LYN: variants seen among roughly 807,000 people sequenced by gnomAD.
LYN encodes the protein LYN proto-oncogene, Src family tyrosine kinase, also known as tyrosine-protein kinase Lyn.
A neutral mutation model predicts 65.0 loss-of-function variants in LYN; 12 were observed. That is an observed-to-expected ratio of 0.18 (90% CI 0.12 to 0.30). The LOEUF (loss-of-function observed/expected upper bound fraction) is 0.30. Ranked by LOEUF, LYN falls within the 10% of genes least tolerant of loss-of-function variation. The pLI is 1.00. For synonymous variants in LYN, 222 were observed against 221.2 expected (o/e 1.00, Z -0.03); for missense variants, 380 against 623.2 (o/e 0.61, Z 4.16).
chr8:55,948,725 G>A (rs554351561), intron 4 of LYN, among the ~76,000 whole-genome samples: 1 of 152,346 alleles, frequency 6.6e-6, no homozygotes, highest in African/African-American at 2.4e-5. Context: ...CATATGGGTT[G>A]AACAGGGACT....
At chr8:55,973,169 C>T (rs1807657886) in intron 10 of LYN, among the ~76,000 whole-genome samples, 1 of 152,178 alleles carries the variant, frequency 6.6e-6, no homozygotes, top group Admixed American at 6.5e-5. Flanking sequence ...GCCCTACTCT[C>T]CCCTCCGCAT....
intron 11 of LYN, 43 bp from the exon 12 acceptor site, chr8:55,999,375 A>G (rs780495947): frequency 6.4e-7 from 1 of 1,573,832 alleles, no homozygotes; most frequent in South Asian, 1.1e-5. Context: ...TTTTTTGTTT[A>G]AGTTTAAATA....
chr8:55,970,960 C>T (rs76358467), intron 10 of LYN, among the ~76,000 whole-genome samples: 2,618 of 152,276 alleles, frequency 0.017, 41 homozygotes, highest in East Asian at 0.067. Flanking sequence ...ATGCTTGGCA[C>T]GGACACAAGC....
chr8:55,936,636 T>C (rs7833156), intron 1 of LYN, among the ~76,000 whole-genome samples: 8,627 of 151,844 alleles, frequency 0.057, 776 homozygotes, highest in African/African-American at 0.19. Flanking sequence ...TGAGACTCCA[T>C]CTCAAAAAAC....
At chr8:55,990,457 C>T (rs1413144992) in intron 10 of LYN, among the ~76,000 whole-genome samples, 6 of 152,088 alleles carry the variant, frequency 3.9e-5, no homozygotes, top group African/African-American at 1.4e-4. Context: ...AGTTAAATCT[C>T]TCCTGGATCA....
intron 10 of LYN, among the ~76,000 whole-genome samples, chr8:55,972,856 A>T (rs1394224828): frequency 6.6e-6 from 1 of 152,232 alleles, no homozygotes; most frequent in Non-Finnish European, 1.5e-5. Context: ...GAGGAATTAC[A>T]GAAGTCCATT....
chr8:55,893,817 G>T (rs1805018351), intron 1 of LYN: 1 of 151,348 alleles, frequency 6.6e-6, no homozygotes, highest in Admixed American at 6.6e-5. Context: ...TTAGAAGCAA[G>T]ATCTCACTAT....
At chr8:55,955,728 CTA>C (rs1284793738) in intron 8 of LYN, among the ~76,000 whole-genome samples, 1 of 152,214 alleles carries the variant, frequency 6.6e-6, no homozygotes, top group African/African-American at 2.4e-5. Flanking sequence ...CTTTCTGTCT[CTA>C]TGAATTTAAC....
chr8:55,931,130 TATATA>T (rs1381997917), intron 1 of LYN, among the ~76,000 whole-genome samples: 4 of 147,768 alleles, frequency 2.7e-5, no homozygotes, highest in Non-Finnish European at 6.0e-5. Context: ...TTACTTTTTA[TATATA>T]ATAAAATATA....
chr8:56,002,405 C>T (rs1216345898), intron 12 of LYN, among the ~76,000 whole-genome samples: 2 of 149,530 alleles, frequency 1.3e-5, no homozygotes, highest in African/African-American at 2.5e-5. Flanking sequence ...GGTGACAGAG[C>T]GAGACTCCAT....
chr8:55,997,879 TC>T (rs1250438652), intron 10 of LYN, among the ~76,000 whole-genome samples: 1 of 152,114 alleles, frequency 6.6e-6, no homozygotes. Flanking sequence ...GGTCAGGAGA[TC>T]GAGACCATCC....
At chr8:55,943,626 T>C (rs1490108637) in intron 2 of LYN, among the ~76,000 whole-genome samples, 2 of 151,278 alleles carry the variant, frequency 1.3e-5, no homozygotes, top group African/African-American at 4.9e-5. Context: ...GTCTGACATG[T>C]TTTTAAATGC....
chr8:55,908,222 CATTTATTTATTTATTT>C (rs60930363), intron 1 of LYN, among the ~76,000 whole-genome samples: 10 of 143,050 alleles, frequency 7.0e-5, no homozygotes, highest in Admixed American at 2.8e-4. Flanking sequence ...CTGTTTAAAC[CATTTATTTATTTATTT>C]ATTTATTTAT....
At chr8:55,934,610 C>T (rs1204557372) in intron 1 of LYN, among the ~76,000 whole-genome samples, 2 of 152,322 alleles carry the variant, frequency 1.3e-5, no homozygotes, top group Admixed American at 1.3e-4. Context: ...AGCCCTGGGA[C>T]AGCATCTGGC....
intron 3 of LYN, 64 bp from the exon 4 acceptor site, chr8:55,947,554 T>C (rs55893564): frequency 0.1 from 113,611 of 1,128,566 alleles, 6,811 homozygotes; most frequent in Middle Eastern, 0.15. Flanking sequence ...TTGTGCCCCA[T>C]GAGGTTTGTT....
chr8:55,967,163 GC>G (rs1245545924), intron 9 of LYN, among the ~76,000 whole-genome samples: 2 of 150,438 alleles, frequency 1.3e-5, no homozygotes, highest in Non-Finnish European at 2.9e-5. Context: ...ATATCTAGTA[GC>G]CCCCAATAAA....
At chr8:55,933,075 A>G (rs543042437) in intron 1 of LYN, among the ~76,000 whole-genome samples, 2 of 152,212 alleles carry the variant, frequency 1.3e-5, no homozygotes, top group South Asian at 2.1e-4. Context: ...CAACATACCC[A>G]TGTAACAAAC....
At chr8:55,949,787 A>G (rs897917764) in intron 4 of LYN, among the ~76,000 whole-genome samples, 6 of 152,162 alleles carry the variant, frequency 3.9e-5, no homozygotes, top group Non-Finnish European at 7.4e-5. Context: ...ACAATACCAT[A>G]CAATCCATCT....
chr8:55,998,014 G>T (rs956140295), intron 10 of LYN, among the ~76,000 whole-genome samples: 8 of 152,152 alleles, frequency 5.3e-5, no homozygotes, highest in African/African-American at 1.9e-4. Flanking sequence ...AACCCAGGAG[G>T]TGGAGCTTGC....
Sources: allele counts gnomAD v4.1 joint callset (sites outside exome capture counted in the v4.1 genomes callset), GRCh38; gene constraint gnomAD v4.1.1; transcripts MANE v1.5; gene names NCBI Gene and HGNC (gene_info 2026-07-23, HGNC 2026-07-21).